LIX1: variants seen among roughly 807,000 people sequenced by gnomAD.
The protein encoded by LIX1 is protein limb expression 1 homolog.
In LIX1, 24 loss-of-function variants were observed where a neutral mutation model predicts 33.4. That is an observed-to-expected ratio of 0.72 (90% CI 0.52 to 1.01). The LOEUF (loss-of-function observed/expected upper bound fraction) is 1.01, where lower values mean the gene tolerates loss of function less well. LIX1 is among the 50% of genes least tolerant of loss of function. LIX1 has a pLI of 0.00. For missense variants in LIX1, 311 were observed against 339.2 expected (o/e 0.92, Z 0.65); for synonymous variants, 124 against 124.0 (o/e 1.00, Z 0.00).
chr5:97,111,820 A>G (rs2112773785), intron 2 of LIX1, among the ~76,000 whole-genome samples: 1 of 152,330 alleles, frequency 6.6e-6, no homozygotes, highest in Non-Finnish European at 1.5e-5. Context: ...ACTGCTCGGG[A>G]GATCAAAGTG....
rs558031965 is a variant in LIX1, at chr5:97,117,916, A to C, written c.246+6550T>G. Among the ~76,000 whole-genome samples the C allele has an allele frequency of 1.1e-4, 12 of 114,142 alleles. No individual in the cohort carries two copies. In the South Asian group the frequency reaches 3.6e-3, roughly 34 times the overall value. 74.9% of individuals were successfully genotyped at this position (114,142 alleles called of 152,430 possible). Reference sequence around the variant, plus strand: ...TTTTGCAACACCAAACATTGGTTACAAATGGAAAAAAAAAAAAAAAGGTCA... The same window carrying C: ...TTTTGCAACACCAAACATTGGTTACCAATGGAAAAAAAAAAAAAAAGGTCA... On this transcript the variant is annotated intron_variant, in intron 2 of 5. Coordinates refer to ENST00000274382, the MANE Select transcript of LIX1 (RefSeq NM_153234.5).
In LIX1 at chr5:97,141,013, T is replaced by G. The variant is rs1490343674; in HGVS notation, c.82+1482A>C. ...TTGTAATCCTTTTTCTAGTCTATCT[T>G]CTTTTCTAAACTGTAAACAATCGCA... On this transcript the variant is annotated intron_variant, in intron 1 of 5. Coordinates refer to ENST00000274382, the MANE Select transcript of LIX1 (RefSeq NM_153234.5). Among the ~76,000 whole-genome samples, 4 of 152,252 alleles carry G rather than the reference T, an allele frequency of 2.6e-5. No homozygotes were observed. In the East Asian group the frequency reaches 7.7e-4, roughly 29 times the overall value.
At chr5:97,099,848 T>G (rs1746598841) in intron 4 of LIX1, among the ~76,000 whole-genome samples, 2 of 151,812 alleles carry the variant, frequency 1.3e-5, no homozygotes, top group African/African-American at 4.8e-5. Flanking sequence ...AAAAAGAAAA[T>G]AAATATCACT....
At chr5:97,110,880 A>G (rs571789350) in intron 2 of LIX1, among the ~76,000 whole-genome samples, 1 of 152,164 alleles carries the variant, frequency 6.6e-6, no homozygotes, top group Non-Finnish European at 1.5e-5. Context: ...TTAGACAGCA[A>G]GGCCATTCAA....
At chr5:97,120,530 G>T (rs1372571437) in intron 2 of LIX1, among the ~76,000 whole-genome samples, 1 of 152,148 alleles carries the variant, frequency 6.6e-6, no homozygotes, top group East Asian at 1.9e-4. Flanking sequence ...AGTTCCATCA[G>T]GGAGATTCAG....
Position 97,094,639 on chromosome 5 carries a change from G to T in LIX1, c.*109C>A. On this transcript the variant is annotated 3_prime_UTR_variant, in exon 6 of 6. Coordinates refer to ENST00000274382, the MANE Select transcript of LIX1 (RefSeq NM_153234.5). ...GGAATGTGTGGAGAGGGTTAGGAGA[G>T]CCTTCAGGTAGTACTAGAGATGCTG... 1.0e-6 allele frequency: 1 copy of T among 995,248 alleles called. No individual in the cohort carries two copies. The allele number at this position is 995,248 out of a possible 1,614,324, so 61.7% of individuals were successfully genotyped here.
chr5:97,098,102 C>T (rs1431670338), intron 4 of LIX1, among the ~76,000 whole-genome samples: 2 of 152,138 alleles, frequency 1.3e-5, no homozygotes, highest in Admixed American at 6.5e-5. Flanking sequence ...TCAGCTAGAT[C>T]GTTAAACTAA....
intron 2 of LIX1, among the ~76,000 whole-genome samples, chr5:97,118,069 C>G (rs1201088706): frequency 6.6e-6 from 1 of 152,172 alleles, no homozygotes; most frequent in Non-Finnish European, 1.5e-5. Context: ...GCCATTTTAA[C>G]AACAAAATAC....
At chr5:97,119,943 T>C (rs1479827723) in intron 2 of LIX1, among the ~76,000 whole-genome samples, 2 of 152,196 alleles carry the variant, frequency 1.3e-5, no homozygotes, top group Non-Finnish European at 2.9e-5. Flanking sequence ...CATTATATTC[T>C]AGATAGAGTA....
chr5:97,124,436 T>C lies in LIX1; in HGVS notation c.246+30A>G, dbSNP rs761879954. 6 of 1,564,024 alleles carry C rather than the reference T, an allele frequency of 3.8e-6. No individual in the cohort carries two copies. In the South Asian group the frequency reaches 6.0e-5, roughly 16 times the overall value. Reference sequence around the variant, plus strand: ...TTACTTTATTTTAGCCCAATGAACTTTCACTGACAAATTAATGGCTACTTC... The same window carrying C: ...TTACTTTATTTTAGCCCAATGAACTCTCACTGACAAATTAATGGCTACTTC... On this transcript the variant is annotated intron_variant, in intron 2 of 5. Coordinates refer to ENST00000274382, the MANE Select transcript of LIX1 (RefSeq NM_153234.5).
chr5:97,133,503 AAACT>A (rs1748109632), intron 1 of LIX1, among the ~76,000 whole-genome samples: 1 of 152,248 alleles, frequency 6.6e-6, no homozygotes, highest in South Asian at 2.1e-4. Context: ...TGCATCTTTG[AAACT>A]AACTGTTCCT....
chr5:97,127,163 C>A (rs182785379), intron 1 of LIX1, among the ~76,000 whole-genome samples: 2 of 152,126 alleles, frequency 1.3e-5, no homozygotes, highest in Non-Finnish European at 2.9e-5. Flanking sequence ...GCCTGTTACT[C>A]TTCTTGTCAA....
intron 2 of LIX1, among the ~76,000 whole-genome samples, chr5:97,109,016 A>C (rs1747219532): frequency 6.6e-6 from 1 of 152,108 alleles, no homozygotes; most frequent in African/African-American, 2.4e-5. Context: ...TCTGTTGACT[A>C]TCTCTGCACT....
chr5:97,096,661 T>C (rs1746389716), intron 5 of LIX1, 149 bp downstream of exon 5: 8 of 624,378 alleles, frequency 1.3e-5, no homozygotes, highest in Middle Eastern at 7.4e-4. Flanking sequence ...GGCTGTTCTA[T>C]ATATTTCTTT....
rs1236914927 is a variant in LIX1, at chr5:97,094,411, A to C, written c.*337T>G. 1.2e-5 allele frequency: 3 copies of C among 258,598 alleles called. No homozygotes were observed. Among genetic ancestry groups the C allele is most frequent in the Non-Finnish European group, 2.2e-5 (3 of 135,006 alleles). 16.0% of individuals were successfully genotyped at this position (258,598 alleles called of 1,614,324 possible). ...CATTTGGGGAATGCTATATTGGACT[A>C]TTCTTGAAACAATATATATAAAATC... On this transcript the variant is annotated 3_prime_UTR_variant, in exon 6 of 6. Transcript: ENST00000274382.
intron 1 of LIX1, among the ~76,000 whole-genome samples, chr5:97,127,385 T>G (rs1315019319): frequency 6.6e-6 from 1 of 152,184 alleles, no homozygotes; most frequent in South Asian, 2.1e-4. Flanking sequence ...AAAGTTGAAG[T>G]TTTCAAATTT....
In LIX1 at chr5:97,094,734, G is replaced by A. The variant is rs768404552; in HGVS notation, c.*14C>T. ...GCCTCTGCCATCACTGAGGGTACCC[G>A]GGGCTTGGCCTTGCTAGTGATAGCC... On this transcript the variant is annotated 3_prime_UTR_variant, in exon 6 of 6. Coordinates refer to ENST00000274382, the MANE Select transcript of LIX1 (RefSeq NM_153234.5). The A allele has an allele frequency of 7.5e-6, 12 of 1,610,158 alleles. No homozygotes were observed. Among genetic ancestry groups the A allele is most frequent in the African/African-American group, 5.3e-5 (4 of 74,790 alleles).
intron 1 of LIX1, among the ~76,000 whole-genome samples, chr5:97,138,844 T>G (rs1175435140): frequency 6.6e-6 from 1 of 152,172 alleles, no homozygotes; most frequent in African/African-American, 2.4e-5. Context: ...TCCAGAACAT[T>G]TAATTGCTGA....
In LIX1 at chr5:97,105,640, ATAACCAGG is replaced by A. The variant is rs1488320276; in HGVS notation, c.388-363_388-356del. Among the ~76,000 whole-genome samples, 9 of 152,364 alleles carry A rather than the reference ATAACCAGG, an allele frequency of 5.9e-5. No homozygotes were observed. The South Asian group carries it at 6.2e-4, about 11-fold the overall frequency. ...CACTGACTTTGCTCTGATTCCAGTG[ATAACCAGG>A]CAAGATTACATAATTGACATGGAAA... On this transcript the variant is annotated intron_variant, in intron 3 of 5. Transcript: ENST00000274382.
Sources: gnomAD v4.1 joint callset for allele counts (sites outside exome capture counted in the v4.1 genomes callset) on GRCh38, gnomAD v4.1.1 for gene constraint, MANE v1.5 for transcripts, NCBI Gene and HGNC (gene_info 2026-07-23, HGNC 2026-07-21) for gene names.